Variants in SEMA6D observed in about 807,000 individuals in gnomAD.
SEMA6D encodes semaphorin 6D, also known as semaphorin-6D.
In SEMA6D, 35 loss-of-function variants were observed where a neutral mutation model predicts 106.6. The ratio of observed to expected loss-of-function variants is 0.33; its 90% CI spans 0.25 to 0.44. SEMA6D has a LOEUF of 0.44. Ranked by LOEUF, SEMA6D falls within the 20% of genes least tolerant of loss-of-function variation. The pLI, the probability that SEMA6D is intolerant of heterozygous loss-of-function variation, is 1.00. For missense variants in SEMA6D, 1,185 were observed against 1,345.9 expected (o/e 0.88, Z 1.87); for synonymous variants, 499 against 487.7 (o/e 1.02, Z -0.31).
intron 1 of SEMA6D, among the ~76,000 whole-genome samples, chr15:47,371,922 A>G (rs1207508733): frequency 6.6e-6 from 1 of 152,214 alleles, no homozygotes. Flanking sequence ...CCCCGTTTAT[A>G]GATGAGGAAA....
At chr15:47,675,563 G>A (rs1048275547) in intron 4 of SEMA6D, among the ~76,000 whole-genome samples, 1 of 152,074 alleles carries the variant, frequency 6.6e-6, no homozygotes, top group Admixed American at 6.5e-5. Flanking sequence ...CCAATCTGTG[G>A]TATTTTGCTA....
At chr15:47,239,857 A>G (rs1333020202) in intron 1 of SEMA6D, among the ~76,000 whole-genome samples, 1 of 152,202 alleles carries the variant, frequency 6.6e-6, no homozygotes, top group Non-Finnish European at 1.5e-5. Context: ...TAAATTCTAT[A>G]CAAGTAATTT....
chr15:47,251,910 T>TAAAAAAA (rs1461277789), intron 1 of SEMA6D, among the ~76,000 whole-genome samples: 39 of 129,738 alleles, frequency 3.0e-4, no homozygotes, highest in African/African-American at 6.0e-4. Flanking sequence ...TAATTGGATT[T>TAAAAAAA]TTTTTTTTTT....
chr15:47,478,678 G>T (rs2043065635), intron 3 of SEMA6D, among the ~76,000 whole-genome samples: 1 of 152,134 alleles, frequency 6.6e-6, no homozygotes, highest in South Asian at 2.1e-4. Flanking sequence ...CTTTAGCAAG[G>T]ATTGACTGCA....
At chr15:47,445,465 A>G (rs1434081620) in intron 2 of SEMA6D, among the ~76,000 whole-genome samples, 1 of 152,074 alleles carries the variant, frequency 6.6e-6, no homozygotes, top group East Asian at 1.9e-4. Flanking sequence ...CACCACAGTA[A>G]TACAGCAACT....
intron 18 of SEMA6D, 42 bp from the exon 19 acceptor site, chr15:47,770,455 T>C (rs1364667465): frequency 6.7e-7 from 1 of 1,491,612 alleles, no homozygotes; most frequent in African/African-American, 1.4e-5. Flanking sequence ...TTATTATTTT[T>C]AAAAAGCACC....
Position 47,762,219 on chromosome 15 carries a change from C to T in SEMA6D, c.558C>T (p.Ala186=), listed in dbSNP as rs778253186. The T allele has an allele frequency of 6.2e-7, 1 of 1,613,622 alleles. No individual in the cohort carries two copies. The highest frequency in any genetic ancestry group is 1.1e-5 in the South Asian group (1 of 91,070). ...ALFADGKLYS[A]TVADFLASDA... is the part of the protein sequence containing the mutation. ...TTTCAGATGGGAAGCTGTATTCTGC[C>T]ACAGTGGCTGACTTCTTGGCCAGCG... is the stretch of plus-strand genomic sequence containing the variant. Residue 186 remains alanine (A), a synonymous_variant, in exon 8 of 19, where the codon GCC becomes GCT. Transcript: ENST00000536845.
intron 3 of SEMA6D, among the ~76,000 whole-genome samples, chr15:47,510,686 A>G (rs906146990): frequency 6.6e-6 from 1 of 152,232 alleles, no homozygotes; most frequent in Non-Finnish European, 1.5e-5. Context: ...AGTAAGTGCC[A>G]CAGGAAATCA....
intron 3 of SEMA6D, among the ~76,000 whole-genome samples, chr15:47,511,773 T>C (rs933656444): frequency 2.0e-5 from 3 of 151,862 alleles, no homozygotes; most frequent in African/African-American, 7.3e-5. Context: ...TGGTGAGGAG[T>C]CTAGGATCTC....
intron 1 of SEMA6D, among the ~76,000 whole-genome samples, chr15:47,185,109 C>T (rs1180548070): frequency 6.6e-6 from 1 of 152,160 alleles, no homozygotes; most frequent in Non-Finnish European, 1.5e-5. Context: ...TTGTCTGGCT[C>T]ATTGTTCGCG....
chr15:47,502,411 A>C (rs777960528), intron 3 of SEMA6D, among the ~76,000 whole-genome samples: 3 of 152,182 alleles, frequency 2.0e-5, no homozygotes, highest in Non-Finnish European at 4.4e-5. Flanking sequence ...ATTCAGCTGC[A>C]TGGTCTCTGT....
rs187631479 is a variant in SEMA6D at position 47,476,669 on chromosome 15, G to A, written c.-87+6124G>A. On this transcript the variant is annotated intron_variant, in intron 3 of 19. Coordinates refer to the SEMA6D transcript ENST00000558014. ...GGTGGGGGGAGCATGAATATATAAA[G>A]CAGTGCTGACACGCCCCAGGCATAC... 3.3e-5 allele frequency among the ~76,000 whole-genome samples: 5 copies of A among 152,190 alleles called. No homozygotes were observed. In the East Asian group the frequency reaches 7.7e-4, roughly 24 times the overall value.
At chr15:47,701,458 A>G (rs2078810251) in intron 4 of SEMA6D, among the ~76,000 whole-genome samples, 1 of 152,138 alleles carries the variant, frequency 6.6e-6, no homozygotes, top group Non-Finnish European at 1.5e-5. Flanking sequence ...CATGGTGACT[A>G]TAGTTAATAA....
intron 3 of SEMA6D, among the ~76,000 whole-genome samples, chr15:47,561,763 A>G (rs2046087880): frequency 6.6e-6 from 1 of 151,742 alleles, no homozygotes; most frequent in Non-Finnish European, 1.5e-5. Flanking sequence ...AGATTTTATT[A>G]AACAATAATT....
chr15:47,552,891 A>C (rs11630606), intron 3 of SEMA6D, among the ~76,000 whole-genome samples: 1 of 35,282 alleles, frequency 2.8e-5, no homozygotes, highest in Non-Finnish European at 5.0e-5. Context: ...AATATATATA[A>C]ATATATATAT....
intron 1 of SEMA6D, among the ~76,000 whole-genome samples, chr15:47,215,757 C>T (rs2030530999): frequency 6.6e-6 from 1 of 152,214 alleles, no homozygotes; most frequent in Non-Finnish European, 1.5e-5. Context: ...AAATCTTGCT[C>T]ACCTATAGAA....
chr15:47,574,116 C>T (rs569455184), intron 3 of SEMA6D, among the ~76,000 whole-genome samples: 45 of 152,282 alleles, frequency 3.0e-4, no homozygotes, highest in Admixed American at 1.1e-3. Context: ...TCTGGTTTTG[C>T]CAATGCTTAT....
intron 3 of SEMA6D, among the ~76,000 whole-genome samples, chr15:47,499,860 T>A (rs1216417064): frequency 1.3e-5 from 2 of 152,048 alleles, no homozygotes; most frequent in Non-Finnish European, 2.9e-5. Flanking sequence ...ATTGTCTCAG[T>A]GGGTCAAGCT....
chr15:47,200,668 T>G (rs1894662956), intron 1 of SEMA6D, among the ~76,000 whole-genome samples: 1 of 152,190 alleles, frequency 6.6e-6, no homozygotes, highest in Non-Finnish European at 1.5e-5. Context: ...AGCATAAAAG[T>G]ACACATACAA....
Sources: gnomAD v4.1 joint callset for allele counts (sites outside exome capture counted in the v4.1 genomes callset) on GRCh38, gnomAD v4.1.1 for gene constraint, MANE v1.5 for transcripts, NCBI Gene and HGNC (gene_info 2026-07-23, HGNC 2026-07-21) for gene names.